Variants in TAS2R1 observed in about 807,000 individuals in gnomAD.
TAS2R1 encodes the protein taste 2 receptor member 1.
For synonymous variants in TAS2R1, 141 were observed against 134.2 expected, an observed-to-expected ratio of 1.05 and a Z score of -0.35; for missense variants, 370 against 353.4, an observed-to-expected ratio of 1.05 and a Z score of -0.38.
the TAS2R1 span, among the ~76,000 whole-genome samples, chr5:9,775,142 A>G: frequency 6.6e-6 from 1 of 152,012 alleles, no homozygotes; most frequent in South Asian, 2.1e-4. Context: ...CACCTAAACC[A>G]AAAGACAAAG....
At chr5:9,728,463 C>T in the TAS2R1 span, among the ~76,000 whole-genome samples, 2 of 152,184 alleles carry the variant, frequency 1.3e-5, no homozygotes, top group Admixed American at 6.5e-5. Flanking sequence ...GGCAGACCGC[C>T]ACCATGTAAC....
the TAS2R1 span, among the ~76,000 whole-genome samples, chr5:9,808,485 A>T: frequency 4.2e-4 from 64 of 152,338 alleles, no homozygotes; most frequent in African/African-American, 1.4e-3. Context: ...ACAGATTTGG[A>T]AAATCCTTAG....
chr5:9,747,260 C>A, the TAS2R1 span, among the ~76,000 whole-genome samples: 1 of 151,888 alleles, frequency 6.6e-6, no homozygotes, highest in East Asian at 1.9e-4. Flanking sequence ...CAGAGATAGG[C>A]CTGAAGGGTG....
the TAS2R1 span, chr5:9,854,233 C>T: frequency 2.0e-5 from 3 of 151,962 alleles, no homozygotes; most frequent in African/African-American, 7.3e-5. Context: ...GTCATTCTTC[C>T]TGTGTGTGTC....
the TAS2R1 span, among the ~76,000 whole-genome samples, chr5:9,878,655 C>T: frequency 4.6e-3 from 702 of 152,254 alleles, 28 homozygotes; most frequent in Admixed American, 0.043. Flanking sequence ...GAGCTCCAAA[C>T]GTAGTAATCA....
the TAS2R1 span, among the ~76,000 whole-genome samples, chr5:9,736,435 C>G: frequency 2.0e-5 from 3 of 152,218 alleles, no homozygotes; most frequent in African/African-American, 4.8e-5. Flanking sequence ...AGGATTAATG[C>G]TGCTTAGGCT....
chr5:9,712,122 C>T (rs1734694295), intron 1 of TAS2R1: 1 of 152,036 alleles, frequency 6.6e-6, no homozygotes, highest in African/African-American at 2.4e-5. Context: ...AACATGTAAA[C>T]AAAGTGTCTA....
At chr5:9,807,431 C>T in the TAS2R1 span, among the ~76,000 whole-genome samples, 10 of 152,128 alleles carry the variant, frequency 6.6e-5, no homozygotes, top group Admixed American at 2.0e-4. Context: ...AGTCATTGTA[C>T]GAAAAAGATA....
chr5:9,706,663 G>C (rs1741618855), intron 1 of TAS2R1, among the ~76,000 whole-genome samples: 1 of 152,254 alleles, frequency 6.6e-6, no homozygotes, highest in African/African-American at 2.4e-5. Context: ...TATCTGAGTA[G>C]ATGAGAGGGT....
chr5:9,704,051 T>C (rs1178485657), intron 1 of TAS2R1, among the ~76,000 whole-genome samples: 1 of 152,122 alleles, frequency 6.6e-6, no homozygotes, highest in Non-Finnish European at 1.5e-5. Flanking sequence ...CTAGAAAATT[T>C]TTGACTGCAC....
intron 1 of TAS2R1, among the ~76,000 whole-genome samples, chr5:9,665,293 G>A (rs531207441): frequency 5.9e-5 from 9 of 152,236 alleles, no homozygotes; most frequent in African/African-American, 9.6e-5. Context: ...CGATAACATC[G>A]AGGCCATCTG....
intron 2 of TAS2R1, among the ~76,000 whole-genome samples, chr5:9,654,699 T>G (rs971254516): frequency 4.6e-5 from 7 of 152,196 alleles, no homozygotes; most frequent in African/African-American, 1.7e-4. Context: ...TAGAGAAAGA[T>G]AAAGTTAGGT....
At chr5:9,822,126 C>G in the TAS2R1 span, among the ~76,000 whole-genome samples, 1 of 152,056 alleles carries the variant, frequency 6.6e-6, no homozygotes, top group Non-Finnish European at 1.5e-5. Context: ...TCTTTCCTTC[C>G]TTAAGACTTT....
the TAS2R1 span, among the ~76,000 whole-genome samples, chr5:9,877,770 A>T: frequency 6.6e-6 from 1 of 152,256 alleles, no homozygotes; most frequent in Non-Finnish European, 1.5e-5. Context: ...TGCTTAATGT[A>T]TCAGAACTCA....
At chr5:9,701,272 A>T in intron 1 of TAS2R1, among the ~76,000 whole-genome samples, 1 of 134,600 alleles carries the variant, frequency 7.4e-6, no homozygotes, top group South Asian at 2.5e-4. Flanking sequence ...ACACACACAC[A>T]CAGTCTTATA....
At chr5:9,681,008 G>A (rs1045359137) in intron 1 of TAS2R1, among the ~76,000 whole-genome samples, 2 of 152,150 alleles carry the variant, frequency 1.3e-5, no homozygotes, top group Non-Finnish European at 2.9e-5. Flanking sequence ...GCTGCAATGA[G>A]CTGAGATCGT....
chr5:9,633,294 T>TG (rs1476544403), upstream of TAS2R1, among the ~76,000 whole-genome samples: 1 of 67,800 alleles, frequency 1.5e-5, no homozygotes, highest in East Asian at 5.5e-4. Context: ...TGTGTGTATA[T>TG]TATATATATA....
At position 9,685,351 on chromosome 5, in the gene TAS2R1, A is replaced by T. The variant is rs563650802; in HGVS notation, c.-241-25770T>A. On this transcript the variant is annotated intron_variant, in intron 1 of 2. Transcript: ENST00000506620. ...CAAAAACACAGAAAATACCCCATCG[A>T]GACTAAAACATGTCAAGGAAAAAGA... 2.6e-5 allele frequency among the ~76,000 whole-genome samples: 4 copies of T among 152,290 alleles called. No homozygotes were observed. In the South Asian group the frequency reaches 8.3e-4, roughly 32 times the overall value.
chr5:9,726,451 G>A, the TAS2R1 span, among the ~76,000 whole-genome samples: 17 of 152,222 alleles, frequency 1.1e-4, no homozygotes, highest in East Asian at 1.9e-4. Flanking sequence ...CAACCCGCTC[G>A]GGTCCCCTTC....
Sources: allele counts gnomAD v4.1 joint callset (sites outside exome capture counted in the v4.1 genomes callset), GRCh38; gene constraint gnomAD v4.1.1; transcripts MANE v1.5; gene names NCBI Gene and HGNC (gene_info 2026-07-23, HGNC 2026-07-21).